ITGA8: variants seen among roughly 807,000 people sequenced by gnomAD.
ITGA8 encodes integrin subunit alpha 8.
A neutral mutation model predicts 142.3 loss-of-function variants in ITGA8; 91 were observed. The ratio of observed to expected loss-of-function variants is 0.64; its 90% confidence interval spans 0.54 to 0.76. The LOEUF is 0.76. Among genes scored for constraint, ITGA8 ranks in the 30% least tolerant of loss-of-function variants. The pLI, the probability that ITGA8 is intolerant of heterozygous loss-of-function variation, is 0.00. For synonymous variants in ITGA8, 505 were observed against 485.2 expected (o/e 1.04, Z -0.54); for missense variants, 1,406 against 1,327.7 (o/e 1.06, Z -0.92).
At chr10:15,530,053 T>C (rs1833257358) in intron 28 of ITGA8, among the ~76,000 whole-genome samples, 3 of 152,192 alleles carry the variant, frequency 2.0e-5, no homozygotes, top group Admixed American at 2.0e-4. Context: ...ATATTGTTTT[T>C]TGGAGCACTA....
chr10:15,549,199 C>CTTTTTTTTTTTTTTTTT (rs1564346419), intron 26 of ITGA8, among the ~76,000 whole-genome samples: 1 of 48,844 alleles, frequency 2.0e-5, no homozygotes, highest in African/African-American at 8.7e-5. Context: ...CTTTTCTTTT[C>CTTTTTTTTTTTTTTTTT]TGTTTTTTTT....
intron 28 of ITGA8, among the ~76,000 whole-genome samples, chr10:15,527,459 G>A (rs569186581): frequency 6.6e-6 from 1 of 152,284 alleles, no homozygotes; most frequent in Admixed American, 6.5e-5. Context: ...AAAGGCGAAA[G>A]TTCCTTGGTG....
chr10:15,670,077 G>A (rs141441330), intron 8 of ITGA8, among the ~76,000 whole-genome samples: 7 of 152,276 alleles, frequency 4.6e-5, no homozygotes, highest in East Asian at 3.9e-4. Flanking sequence ...CTTCTGCGTC[G>A]CTCATGCTGG....
rs185954041 is a variant in ITGA8 at position 15,672,295 on chromosome 10, G to A, written c.802+329C>T. On this transcript the variant is annotated intron_variant, in intron 7 of 29. Coordinates refer to ENST00000378076, the MANE Select transcript of ITGA8 (RefSeq NM_003638.3). The stretch of plus-strand genomic sequence containing the variant: ...CCAGCAACTCAAACTTCTCTTGTGC[G>A]TCTCTGTTAACTAAGAAGGCTGCTA... 3.4e-3 allele frequency among the ~76,000 whole-genome samples: 516 copies of A among 152,246 alleles called. 4 individuals carry two copies. The highest frequency in any genetic ancestry group is 3.2e-3 in the Non-Finnish European group (218 of 68,036).
Position 15,718,929 on chromosome 10 carries a change from T to C in ITGA8, c.210-30A>G, listed in dbSNP as rs751844430. The C allele has an allele frequency of 3.5e-5, 56 of 1,613,546 alleles. No homozygotes were observed. In the African/African-American group the frequency reaches 4.0e-4, roughly 12 times the overall value. On this transcript the variant is annotated intron_variant, in intron 1 of 29. Transcript: ENST00000378076. Reference sequence around the variant, plus strand: ...AAAAGAGTTGGAGAAAGTCACTCTTTGGGCGCCACAAAACCGTGCGCATGC... The same window carrying C: ...AAAAGAGTTGGAGAAAGTCACTCTTCGGGCGCCACAAAACCGTGCGCATGC...
At chr10:15,691,531 T>C (rs76318445) in intron 2 of ITGA8, among the ~76,000 whole-genome samples, 4,359 of 152,274 alleles carry the variant, frequency 0.029, 199 homozygotes, top group African/African-American at 0.1. Context: ...TCTCATTTGC[T>C]ACAACATGGA....
At chr10:15,556,872 A>G (rs1010263344) in intron 26 of ITGA8, among the ~76,000 whole-genome samples, 3 of 152,220 alleles carry the variant, frequency 2.0e-5, no homozygotes, top group African/African-American at 2.4e-5. Context: ...TGAGAAGGGT[A>G]TTAGCTTCTG....
chr10:15,564,533 T>A (rs911202646), intron 25 of ITGA8, among the ~76,000 whole-genome samples: 30 of 152,344 alleles, frequency 2.0e-4, no homozygotes, highest in African/African-American at 6.5e-4. Flanking sequence ...GAAATAATTG[T>A]TGGTAAACAT....
intron 2 of ITGA8, among the ~76,000 whole-genome samples, chr10:15,712,491 C>T (rs561786250): frequency 1.3e-5 from 2 of 152,312 alleles, no homozygotes; most frequent in Non-Finnish European, 2.9e-5. Context: ...ATCCCAGCTA[C>T]TTGGGAGGCT....
chr10:15,638,267 G>A (rs560867751), intron 13 of ITGA8, among the ~76,000 whole-genome samples: 281 of 152,294 alleles, frequency 1.8e-3, no homozygotes, highest in African/African-American at 6.6e-3. Flanking sequence ...TTTTGAGTCA[G>A]TTTGGAAGAT....
intron 25 of ITGA8, among the ~76,000 whole-genome samples, chr10:15,569,404 C>T (rs961025725): frequency 3.9e-5 from 6 of 152,178 alleles, no homozygotes; most frequent in African/African-American, 1.4e-4. Context: ...ATCTAGATCA[C>T]TCTTCTTGTA....
chr10:15,610,232 A>T (rs1833268072), intron 15 of ITGA8, among the ~76,000 whole-genome samples: 1 of 152,208 alleles, frequency 6.6e-6, no homozygotes, highest in South Asian at 2.1e-4. Context: ...CTGTGTTATG[A>T]TCTAAAGAAA....
chr10:15,602,143 G>C (rs1833114700), intron 20 of ITGA8, among the ~76,000 whole-genome samples: 1 of 152,216 alleles, frequency 6.6e-6, no homozygotes, highest in African/African-American at 2.4e-5. Flanking sequence ...GTGAAGTCAG[G>C]GGTGGAGTGA....
chr10:15,544,160 T>C (rs1404634674), intron 27 of ITGA8, among the ~76,000 whole-genome samples: 1 of 152,192 alleles, frequency 6.6e-6, no homozygotes, highest in African/African-American at 2.4e-5. Flanking sequence ...GAGCCTGGCA[T>C]GGTGCCAGGC....
At chr10:15,683,025 A>G (rs1030779242) in intron 4 of ITGA8, among the ~76,000 whole-genome samples, 1 of 152,108 alleles carries the variant, frequency 6.6e-6, no homozygotes, top group Non-Finnish European at 1.5e-5. Flanking sequence ...ACACTCAGGC[A>G]AAAGGGGGAA....
chr10:15,619,841 G>A (rs1400958838), intron 13 of ITGA8, among the ~76,000 whole-genome samples: 1 of 152,172 alleles, frequency 6.6e-6, no homozygotes, highest in Admixed American at 6.5e-5. Context: ...CATATCTGTT[G>A]ACATGACACC....
chr10:15,719,166 C>A (rs1835510099), intron 1 of ITGA8, among the ~76,000 whole-genome samples: 1 of 152,122 alleles, frequency 6.6e-6, no homozygotes, highest in Admixed American at 6.6e-5. Context: ...AGGAGGAAGC[C>A]AAGGACAGAG....
intron 2 of ITGA8, among the ~76,000 whole-genome samples, chr10:15,716,672 T>TC (rs1202072212): frequency 6.8e-6 from 1 of 147,230 alleles, no homozygotes; most frequent in African/African-American, 2.6e-5. Context: ...CCTATTGTAT[T>TC]TTTTTTTTTT....
rs574140536 is a variant in ITGA8 at position 15,579,664 on chromosome 10, A to G, written c.2373-4070T>C. On this transcript the variant is annotated intron_variant, in intron 23 of 29. Coordinates refer to ENST00000378076, the MANE Select transcript of ITGA8 (RefSeq NM_003638.3). The stretch of plus-strand genomic sequence containing the variant: ...GTGTTTTTTTCTCTGATTTTTAAAA[A>G]TAGCAATTTTCTCATCGAGAGAGAT... Among the ~76,000 whole-genome samples, 6 of 152,206 alleles carry G rather than the reference A, an allele frequency of 3.9e-5. No homozygotes were observed. In the South Asian group the frequency reaches 1.2e-3, roughly 32 times the overall value.
Sources: gnomAD v4.1 joint callset for allele counts (sites outside exome capture counted in the v4.1 genomes callset) on GRCh38, gnomAD v4.1.1 for gene constraint, MANE v1.5 for transcripts, NCBI Gene and HGNC (gene_info 2026-07-23, HGNC 2026-07-21) for gene names.